Variants in SEMA6D observed in about 807,000 individuals in gnomAD.
SEMA6D encodes semaphorin 6D.
A neutral mutation model predicts 106.6 loss-of-function variants in SEMA6D; 35 were observed. That is an observed-to-expected ratio of 0.33 (90% CI 0.25 to 0.44). The LOEUF (loss-of-function observed/expected upper bound fraction) is 0.44. Ranked by LOEUF, SEMA6D falls within the 20% of genes least tolerant of loss-of-function variation. The probability of loss-of-function intolerance (pLI) is 1.00; values close to 1 mark genes in which losing one functional copy is unlikely to be tolerated. For synonymous variants in SEMA6D, 499 were observed against 487.7 expected (o/e 1.02, Z -0.31); for missense variants, 1,185 against 1,345.9 (o/e 0.88, Z 1.87).
At chr15:47,232,830 T>C (rs1595782309) in intron 1 of SEMA6D, among the ~76,000 whole-genome samples, 1 of 151,920 alleles carries the variant, frequency 6.6e-6, no homozygotes, top group Non-Finnish European at 1.5e-5. Flanking sequence ...TTTTGGGTCC[T>C]AGACCATCAT....
At chr15:47,425,106 G>A (rs557598408) in intron 2 of SEMA6D, among the ~76,000 whole-genome samples, 95 of 152,134 alleles carry the variant, frequency 6.2e-4, no homozygotes, top group Admixed American at 1.8e-3. Context: ...GCCATCTCCC[G>A]GAGCTTCCCT....
chr15:47,472,340 G>A (rs1043088201), intron 3 of SEMA6D, among the ~76,000 whole-genome samples: 1 of 152,170 alleles, frequency 6.6e-6, no homozygotes, highest in African/African-American at 2.4e-5. Flanking sequence ...GTCACTTATT[G>A]CACTACTGGC....
chr15:47,701,704 A>G (rs2078815525), intron 4 of SEMA6D, among the ~76,000 whole-genome samples: 1 of 152,224 alleles, frequency 6.6e-6, no homozygotes. Flanking sequence ...GTGAAAGTAG[A>G]AATATGTAAT....
intron 4 of SEMA6D, among the ~76,000 whole-genome samples, chr15:47,679,615 T>C (rs189978889): frequency 1.2e-4 from 19 of 152,246 alleles, no homozygotes; most frequent in Admixed American, 1.1e-3. Context: ...TGTTTTGTTT[T>C]TTGCTTTACA....
intron 3 of SEMA6D, among the ~76,000 whole-genome samples, chr15:47,568,074 T>A (rs772996553): frequency 2.0e-5 from 3 of 151,648 alleles, no homozygotes; most frequent in Non-Finnish European, 4.4e-5. Context: ...ATTTCAGAGG[T>A]AATGTAGTTG....
chr15:47,449,671 G>A (rs745411374), intron 2 of SEMA6D, among the ~76,000 whole-genome samples: 1 of 152,004 alleles, frequency 6.6e-6, no homozygotes, highest in Non-Finnish European at 1.5e-5. Context: ...CATCGTACAT[G>A]GAATTTGAGA....
At chr15:47,583,687 C>T (rs527529211) in intron 3 of SEMA6D, among the ~76,000 whole-genome samples, 1 of 152,286 alleles carries the variant, frequency 6.6e-6, no homozygotes, top group South Asian at 2.1e-4. Context: ...CAGTGATGGC[C>T]CGCAGAGAGC....
chr15:47,707,397 C>G (rs1241867674), intron 4 of SEMA6D, among the ~76,000 whole-genome samples: 1 of 152,180 alleles, frequency 6.6e-6, no homozygotes, highest in Non-Finnish European at 1.5e-5. Flanking sequence ...TATATAGTTT[C>G]ATTAAAAGTT....
chr15:47,715,337 C>T (rs1372374850), upstream of SEMA6D, among the ~76,000 whole-genome samples: 1 of 152,186 alleles, frequency 6.6e-6, no homozygotes, highest in Non-Finnish European at 1.5e-5. Flanking sequence ...TAATAAACCA[C>T]AACAATGGTA....
intron 3 of SEMA6D, among the ~76,000 whole-genome samples, chr15:47,540,176 A>G (rs2045311378): frequency 1.3e-5 from 2 of 152,178 alleles, no homozygotes; most frequent in South Asian, 4.1e-4. Context: ...AATTTAGAGT[A>G]GGTGCTGATT....
rs113997979 is a variant in SEMA6D, at chr15:47,332,002, G to A, written c.-238-80391G>A. Among the ~76,000 whole-genome samples, 559 of 152,238 alleles carry A rather than the reference G, an allele frequency of 3.7e-3. 2 individuals are homozygous for A. The highest frequency in any genetic ancestry group is 0.013 in the African/African-American group (534 of 41,558). On this transcript the variant is annotated intron_variant, in intron 1 of 19. Coordinates refer to the SEMA6D transcript ENST00000558014. ...GCCTGTTTCCTAAAACCATGTACAA[G>A]TTTGGCACAAAACTCACCTCTCTTT...
chr15:47,729,357 A>G (rs1456833025), intron 1 of SEMA6D, among the ~76,000 whole-genome samples: 3 of 152,190 alleles, frequency 2.0e-5, no homozygotes, highest in Admixed American at 6.5e-5. Context: ...TATTTATCCA[A>G]TTAACCAGAT....
intron 3 of SEMA6D, among the ~76,000 whole-genome samples, chr15:47,494,659 T>A (rs1276227490): frequency 6.7e-6 from 1 of 148,164 alleles, no homozygotes; most frequent in Non-Finnish European, 1.5e-5. Context: ...TATTTTATTA[T>A]AATTCAAAAT....
chr15:47,293,779 CAA>C (rs2035689595), intron 1 of SEMA6D, among the ~76,000 whole-genome samples: 1 of 152,182 alleles, frequency 6.6e-6, no homozygotes, highest in Non-Finnish European at 1.5e-5. Context: ...TTATTATAAA[CAA>C]TGATGGCAGG....
Position 47,771,155 on chromosome 15 carries a change from C to T in SEMA6D, c.2592C>T (p.Ser864=), listed in dbSNP as rs200205897. The change falls in exon 19 of 19, where the codon TCC becomes TCT. Residue 864 remains serine, a synonymous_variant. Coordinates refer to ENST00000536845, the MANE Select transcript of SEMA6D (RefSeq NM_001358351.3). ...TTGATCACCCTCTCACAAAGTCATC[C>T]AGTAAGAGAGATCACCGGCGTTCTG... ...QNIDHPLTKS[S]SKRDHRRSVD... 4 of 1,614,088 alleles carry T rather than the reference C, an allele frequency of 2.5e-6. No individual in the cohort carries two copies. The East Asian group carries it at 8.9e-5, about 36-fold the overall frequency.
intron 1 of SEMA6D, among the ~76,000 whole-genome samples, chr15:47,305,662 G>A (rs1414622972): frequency 6.6e-6 from 1 of 152,190 alleles, no homozygotes; most frequent in Admixed American, 6.5e-5. Flanking sequence ...TGAAGCACAT[G>A]TTAATGAAGA....
chr15:47,250,104 A>T (rs1228862036), intron 1 of SEMA6D, among the ~76,000 whole-genome samples: 1 of 152,220 alleles, frequency 6.6e-6, no homozygotes, highest in East Asian at 1.9e-4. Context: ...CTACAAAATA[A>T]AACTAATCAC....
In SEMA6D at chr15:47,398,401, A is replaced by G. The variant is rs530864472; in HGVS notation, c.-238-13992A>G. On this transcript the variant is annotated intron_variant, in intron 1 of 19. Coordinates refer to the SEMA6D transcript ENST00000558014. Reference sequence around the variant, plus strand: ...TCACAGATGCCTCACTCTTGATACTATACATCTCTGGACTTCTGCTTTTCT... The same window carrying G: ...TCACAGATGCCTCACTCTTGATACTGTACATCTCTGGACTTCTGCTTTTCT... Among the ~76,000 whole-genome samples the G allele has an allele frequency of 1.4e-4, 22 of 152,334 alleles. 1 individual carries two copies. The South Asian group carries it at 1.7e-3, about 11-fold the overall frequency.
intron 3 of SEMA6D, among the ~76,000 whole-genome samples, chr15:47,506,098 C>T (rs2044028206): frequency 6.6e-6 from 1 of 152,132 alleles, no homozygotes; most frequent in African/African-American, 2.4e-5. Context: ...AAATGTATCT[C>T]ACCCCTCTTC....
Sources: allele counts gnomAD v4.1 joint callset (sites outside exome capture counted in the v4.1 genomes callset), GRCh38; gene constraint gnomAD v4.1.1; transcripts MANE v1.5; gene names NCBI Gene and HGNC (gene_info 2026-07-23, HGNC 2026-07-21).